The following SLIT3 variants were observed in gnomAD, a reference collection of about 807,000 sequenced individuals.
SLIT3 encodes slit homolog 3 protein.
A neutral mutation model predicts 184.0 loss-of-function variants in SLIT3; 68 were observed. That is an observed-to-expected ratio of 0.37 (90% CI 0.30 to 0.45). SLIT3 has a LOEUF of 0.45. SLIT3 is among the 20% of genes least tolerant of loss of function. SLIT3 has a pLI of 1.00. For missense variants in SLIT3, 1,707 were observed against 2,026.0 expected, an observed-to-expected ratio of 0.84 and a Z score of 3.02; for synonymous variants, 831 against 828.6, an observed-to-expected ratio of 1.00 and a Z score of -0.05.
intron 4 of SLIT3, among the ~76,000 whole-genome samples, chr5:169,107,850 G>A (rs182765476): frequency 1.3e-5 from 2 of 152,296 alleles, no homozygotes; most frequent in Admixed American, 1.3e-4. Context: ...CATGCCCTAG[G>A]CTTGGCTAAC....
rs55684606 is a variant in SLIT3, at chr5:169,001,257, C to A, written c.414-117921G>T. Among the ~76,000 whole-genome samples the A allele has an allele frequency of 9.2e-5, 14 of 152,288 alleles. No individual in the cohort carries two copies. The South Asian group carries it at 2.9e-3, about 32-fold the overall frequency. On this transcript the variant is annotated intron_variant, in intron 4 of 35. Coordinates refer to ENST00000519560, the MANE Select transcript of SLIT3 (RefSeq NM_003062.4). ...TCATCGCCACTGTCCGTATTTTGAA[C>A]CTGTCTTGTCTGCCTTATCCTGAGA... is the stretch of plus-strand genomic sequence containing the variant.
At chr5:168,821,401 G>A (rs969037443) in intron 7 of SLIT3, among the ~76,000 whole-genome samples, 1 of 152,216 alleles carries the variant, frequency 6.6e-6, no homozygotes, top group Non-Finnish European at 1.5e-5. Context: ...CAACCCACAT[G>A]TCTGGGGTAA....
chr5:168,940,486 A>C (rs1762296006), intron 4 of SLIT3, among the ~76,000 whole-genome samples: 2 of 152,224 alleles, frequency 1.3e-5, no homozygotes. Flanking sequence ...TAGACACATA[A>C]AATTATAAAG....
At chr5:168,936,102 G>A (rs757190982) in intron 4 of SLIT3, among the ~76,000 whole-genome samples, 5 of 152,214 alleles carry the variant, frequency 3.3e-5, no homozygotes, top group Non-Finnish European at 5.9e-5. Context: ...TAGTGAAAGA[G>A]AGCAAAGAGA....
intron 4 of SLIT3, among the ~76,000 whole-genome samples, chr5:169,129,819 TG>T (rs1462312956): frequency 1.3e-5 from 2 of 150,312 alleles, no homozygotes; most frequent in African/African-American, 5.0e-5. Flanking sequence ...GTTTCTTTGG[TG>T]GTTTTTTTTG....
intron 8 of SLIT3, among the ~76,000 whole-genome samples, chr5:168,809,402 C>T (rs912615138): frequency 6.6e-6 from 1 of 152,200 alleles, no homozygotes; most frequent in African/African-American, 2.4e-5. Context: ...TCTGATAGCA[C>T]CCTGGGCTGG....
intron 1 of SLIT3, among the ~76,000 whole-genome samples, chr5:169,296,056 A>C (rs1468822218): frequency 6.6e-6 from 1 of 152,224 alleles, no homozygotes; most frequent in African/African-American, 2.4e-5. Context: ...TAACTCTAGT[A>C]AGGCAATAAA....
chr5:168,843,361 C>T (rs1201477128), intron 6 of SLIT3, among the ~76,000 whole-genome samples: 1 of 152,140 alleles, frequency 6.6e-6, no homozygotes, highest in Non-Finnish European at 1.5e-5. Context: ...ATTCATTCAC[C>T]TGTTTATTTG....
chr5:169,129,111 T>A (rs1761191772), intron 4 of SLIT3, among the ~76,000 whole-genome samples: 2 of 152,148 alleles, frequency 1.3e-5, no homozygotes, highest in Admixed American at 1.3e-4. Context: ...TTTGCCATAC[T>A]CTGCAAGCAC....
chr5:168,955,833 T>C (rs1014610141), intron 4 of SLIT3, among the ~76,000 whole-genome samples: 9 of 152,122 alleles, frequency 5.9e-5, no homozygotes, highest in African/African-American at 2.2e-4. Context: ...AAATTTTGCA[T>C]TGTGACATGT....
intron 20 of SLIT3, among the ~76,000 whole-genome samples, chr5:168,727,101 C>G (rs2113385906): frequency 6.6e-6 from 1 of 151,098 alleles, no homozygotes; most frequent in Admixed American, 6.6e-5. Flanking sequence ...AAGTGGATCA[C>G]TTGAGGCCAG....
At chr5:168,985,261 T>C (rs79218391) in intron 4 of SLIT3, among the ~76,000 whole-genome samples, 4,803 of 152,258 alleles carry the variant, frequency 0.032, 107 homozygotes, top group African/African-American at 0.054. Flanking sequence ...CCTAGTTCCT[T>C]GTACCATCTG....
At chr5:169,107,597 A>C (rs1398669630) in intron 4 of SLIT3, among the ~76,000 whole-genome samples, 2 of 152,224 alleles carry the variant, frequency 1.3e-5, no homozygotes, top group Non-Finnish European at 2.9e-5. Context: ...TTAGAATGAC[A>C]AATGGGAGGC....
intron 4 of SLIT3, among the ~76,000 whole-genome samples, chr5:169,008,327 T>C (rs1313361406): frequency 6.6e-6 from 1 of 152,160 alleles, no homozygotes; most frequent in Non-Finnish European, 1.5e-5. Context: ...GCCATGAAGC[T>C]GCAAGGCTGG....
intron 4 of SLIT3, among the ~76,000 whole-genome samples, chr5:169,145,204 G>C (rs909403088): frequency 6.6e-6 from 1 of 152,062 alleles, no homozygotes; most frequent in Non-Finnish European, 1.5e-5. Flanking sequence ...CAGAATTGCC[G>C]GGCTCTGGAG....
chr5:168,670,543 G>T (rs73320585), intron 34 of SLIT3, among the ~76,000 whole-genome samples: 5,450 of 152,234 alleles, frequency 0.036, 302 homozygotes, highest in African/African-American at 0.12. Context: ...GAGATGACAT[G>T]CAGAGCCAGG....
intron 15 of SLIT3, 141 bp from the exon 16 acceptor site, chr5:168,761,077 C>T (rs542369286): frequency 3.0e-6 from 2 of 667,878 alleles, no homozygotes; most frequent in African/African-American, 1.8e-5. Context: ...ACATCAGTCC[C>T]ATCAACAGAG....
In SLIT3 at chr5:169,200,796, C is replaced by CT. The variant is rs5873163; in HGVS notation, c.342-7247dup. Among the ~76,000 whole-genome samples, 385 of 151,588 alleles carry CT rather than the reference C, an allele frequency of 2.5e-3. 2 individuals carry two copies. The highest frequency in any genetic ancestry group is 4.4e-3 in the Non-Finnish European group (299 of 67,840). The stretch of plus-strand genomic sequence containing the variant: ...TCACCTGTCTAACAGCCAATTCAGG[C>CT]TTTTTTTTTCCTGCTATGCAAATTT... On this transcript the variant is annotated intron_variant, in intron 3 of 35. Coordinates refer to ENST00000519560, the MANE Select transcript of SLIT3 (RefSeq NM_003062.4).
intron 6 of SLIT3, among the ~76,000 whole-genome samples, chr5:168,839,165 C>T (rs1419239662): frequency 1.3e-5 from 2 of 152,148 alleles, no homozygotes; most frequent in African/African-American, 4.8e-5. Flanking sequence ...GTTCGGGCGT[C>T]CTGGACTCCA....
Sources: allele counts gnomAD v4.1 joint callset (sites outside exome capture counted in the v4.1 genomes callset), GRCh38; gene constraint gnomAD v4.1.1; transcripts MANE v1.5; gene names NCBI Gene and HGNC (gene_info 2026-07-23, HGNC 2026-07-21).